The following CYP3A7 variants were observed in gnomAD, a reference collection of about 807,000 sequenced individuals.
CYP3A7 encodes cytochrome P450 family 3 subfamily A member 7.
A neutral mutation model predicts 55.2 loss-of-function variants in CYP3A7; 45 were observed. The observed-to-expected ratio is 0.82, with a 90% CI of 0.64 to 1.05. CYP3A7 has a LOEUF of 1.05. CYP3A7 is among the 50% of genes least tolerant of loss of function. The pLI is 0.00. For synonymous variants in CYP3A7, 180 were observed against 207.4 expected (o/e 0.87, Z 1.13); for missense variants, 548 against 605.3 (o/e 0.91, Z 0.99).
At chr7:99,708,902 A>G in intron 11 of CYP3A7, 133 bp downstream of exon 11, 1 of 1,067,512 alleles carries the variant, frequency 9.4e-7, no homozygotes, top group East Asian at 2.5e-5. Flanking sequence ...GATCAATTTC[A>G]TGATTTGAAA....
intron 7 of CYP3A7, chr7:99,715,487 T>C (rs1813906239): frequency 4.3e-6 from 2 of 469,934 alleles, no homozygotes; most frequent in Non-Finnish European, 7.7e-6. Flanking sequence ...GTGTCCAGAA[T>C]AGGCAAATCT....
rs566799104 is a variant in CYP3A7 at position 99,716,034 on chromosome 7, C to T, written c.522-128G>A. On this transcript the variant is annotated intron_variant, in intron 6 of 12. Transcript: ENST00000336374. ...AGCCACAGACTTTCAGAACTATTTACTGGAGCATCTCCCATCACACTCCCT... is the reference window on the plus strand; with the variant it reads ...AGCCACAGACTTTCAGAACTATTTATTGGAGCATCTCCCATCACACTCCCT... 18 of 1,563,714 alleles carry T rather than the reference C, an allele frequency of 1.2e-5. No homozygotes were observed. In the East Asian group the frequency reaches 3.9e-4, roughly 34 times the overall value.
At chr7:99,723,326 T>C (rs1814279469) in intron 2 of CYP3A7, among the ~76,000 whole-genome samples, 1 of 152,142 alleles carries the variant, frequency 6.6e-6, no homozygotes, top group South Asian at 2.1e-4. Context: ...CTCGTGACAT[T>C]CTTCTTCTGG....
rs763531646 is a variant in CYP3A7, at chr7:99,735,099, C to T, written c.-6G>A. ...AAGTTTGGGATGAGATCCATCACTA[C>T]TTTCCTTCCTTATCTCTCTCCTCTG... On this transcript the variant is annotated 5_prime_UTR_variant, in exon 1 of 13. Transcript: ENST00000336374. The T allele has an allele frequency of 6.2e-7, 1 of 1,613,874 alleles. No individual in the cohort carries two copies. Among genetic ancestry groups the T allele is most frequent in the South Asian group, 1.1e-5 (1 of 91,080 alleles).
intron 1 of CYP3A7, among the ~76,000 whole-genome samples, chr7:99,734,591 T>G (rs1259728068): frequency 6.6e-6 from 1 of 152,120 alleles, no homozygotes. Context: ...CTTAAGCTAC[T>G]TCTCCTTGAA....
At chr7:99,705,664 T>TAA in intron 12 of CYP3A7, 69 bp from the exon 13 acceptor site, 1 of 1,560,348 alleles carries the variant, frequency 6.4e-7, no homozygotes, top group Non-Finnish European at 8.8e-7. Flanking sequence ...AGCATCAAAG[T>TAA]AAAAAAAAAT....
chr7:99,717,740 T>A, intron 4 of CYP3A7, 101 bp from the exon 5 acceptor site: 2 of 1,419,430 alleles, frequency 1.4e-6, no homozygotes, highest in Non-Finnish European at 1.9e-6. Flanking sequence ...AACAAATATT[T>A]AGTGACTGTC....
chr7:99,717,236 A>G lies in CYP3A7; in HGVS notation c.462T>C (p.Asp154=), dbSNP rs1813992983. The change falls in exon 6 of 13, where the codon GAT becomes GAC. Residue 154 remains aspartate, a synonymous_variant. Transcript: ENST00000336374. ...EMVPIIAQYG[D]VLVRNLRREA... is the part of the protein sequence containing the mutation. Reference sequence around the variant, plus strand: ...CCCGCCTCAGATTTCTCACCAACACATCTCCATACTGGGCAATGATAGGGA... The same window carrying G: ...CCCGCCTCAGATTTCTCACCAACACGTCTCCATACTGGGCAATGATAGGGA... 10 of 1,613,800 alleles carry G rather than the reference A, an allele frequency of 6.2e-6. No homozygotes were observed. The highest frequency in any genetic ancestry group is 2.2e-5 in the East Asian group (1 of 44,878).
intron 9 of CYP3A7, among the ~76,000 whole-genome samples, chr7:99,712,112 A>G (rs1445617402): frequency 6.6e-6 from 1 of 152,198 alleles, no homozygotes; most frequent in African/African-American, 2.4e-5. Flanking sequence ...GAAGCTCAGG[A>G]TGGCCCATCA....
Position 99,722,358 on chromosome 7 carries a change from G to A in CYP3A7, c.166-10C>T. 2 of 1,613,204 alleles carry A rather than the reference G, an allele frequency of 1.2e-6. No homozygotes were observed. The highest frequency in any genetic ancestry group is 1.7e-6 in the Non-Finnish European group (2 of 1,179,506). ...CAAACGTCCAATAGCCCTGGGAGGA[G>A]AAACAAAATAATATTTCATTATTAT... On this transcript the variant is annotated splice_polypyrimidine_tract_variant and intron_variant, in intron 2 of 12. Transcript: ENST00000336374.
In CYP3A7 at chr7:99,708,020, C is replaced by T. The variant is rs746642468; in HGVS notation, c.1254-46G>A. On this transcript the variant is annotated intron_variant, in intron 11 of 12. Transcript: ENST00000336374. ...ATTTTAAAAGTTAAAGACATAATAC[C>T]TCTAAGAGTTACATGTTAGGGTTTC... 4 of 1,612,842 alleles carry T rather than the reference C, an allele frequency of 2.5e-6. No homozygotes were observed. In the South Asian group the frequency reaches 4.4e-5, roughly 18 times the overall value.
intron 11 of CYP3A7, among the ~76,000 whole-genome samples, chr7:99,708,661 C>G (rs1813618304): frequency 6.6e-6 from 1 of 152,122 alleles, no homozygotes; most frequent in South Asian, 2.1e-4. Flanking sequence ...AGATTAGACG[C>G]ATGTTTTTTA....
At chr7:99,708,975 G>A (rs144053351) in intron 11 of CYP3A7, 60 bp downstream of exon 11, 2 of 1,577,696 alleles carry the variant, frequency 1.3e-6, no homozygotes, top group Admixed American at 1.7e-5. Flanking sequence ...CCTGTAGAGA[G>A]GCAGAATATG....
Position 99,722,414 on chromosome 7 carries a change from G to A in CYP3A7, c.166-66C>T, listed in dbSNP as rs1366418935. ...GTGTACTTAACCCTGCCTCTAATTG[G>A]GGTTGAAAACAGTCAAATCCAATGA... On this transcript the variant is annotated intron_variant, in intron 2 of 12. Transcript: ENST00000336374. The A allele has an allele frequency of 1.7e-5, 27 of 1,584,442 alleles. No individual in the cohort carries two copies. In the East Asian group the frequency reaches 6.3e-4, roughly 37 times the overall value.
intron 9 of CYP3A7, among the ~76,000 whole-genome samples, chr7:99,712,972 TG>T (rs1339966177): frequency 2.0e-5 from 3 of 152,182 alleles, no homozygotes; most frequent in African/African-American, 4.8e-5. Context: ...ACTTCATAGT[TG>T]ATTAACCTGG....
intron 2 of CYP3A7, among the ~76,000 whole-genome samples, chr7:99,723,886 C>G (rs1814305767): frequency 6.6e-6 from 1 of 152,186 alleles, no homozygotes. Context: ...ACAGTCTTCC[C>G]TTGGTGTCTA....
chr7:99,734,924 A>G (rs1814771875), intron 1 of CYP3A7, 99 bp downstream of exon 1: 1 of 1,579,454 alleles, frequency 6.3e-7, no homozygotes, highest in Non-Finnish European at 8.7e-7. Context: ...GCCAGCCTGA[A>G]CATCCTTTTT....
chr7:99,726,173 C>T (rs1814404521), intron 2 of CYP3A7, among the ~76,000 whole-genome samples: 1 of 152,122 alleles, frequency 6.6e-6, no homozygotes, highest in Non-Finnish European at 1.5e-5. Context: ...GTATGGGACA[C>T]CTCTACTCCC....
intron 4 of CYP3A7, among the ~76,000 whole-genome samples, chr7:99,719,845 A>G (rs1814118054): frequency 6.6e-6 from 1 of 152,154 alleles, no homozygotes; most frequent in Admixed American, 6.5e-5. Context: ...TAAAAATACA[A>G]AAATTAGTAG....
Sources: allele counts gnomAD v4.1 joint callset (sites outside exome capture counted in the v4.1 genomes callset), GRCh38; gene constraint gnomAD v4.1.1; transcripts MANE v1.5; gene names NCBI Gene and HGNC (gene_info 2026-07-23, HGNC 2026-07-21).